PDXDC1: variants seen among roughly 807,000 people sequenced by gnomAD.
PDXDC1 encodes the protein pyridoxal-dependent decarboxylase domain-containing protein 1.
In PDXDC1, 42 loss-of-function variants were observed where a neutral mutation model predicts 100.1. That is an observed-to-expected ratio of 0.42 (90% CI 0.33 to 0.54). The LOEUF (loss-of-function observed/expected upper bound fraction) is 0.54, where lower values mean the gene tolerates loss of function less well. PDXDC1 is among the 20% of genes least tolerant of loss of function. The probability of loss-of-function intolerance (pLI) is 0.10; values close to 1 mark genes in which losing one functional copy is unlikely to be tolerated. For synonymous variants in PDXDC1, 260 were observed against 371.7 expected (o/e 0.70, Z 3.46); for missense variants, 636 against 979.2 (o/e 0.65, Z 4.68).
chr16:15,039,867 A>G (rs2043730317), downstream of PDXDC1: 2 of 698,044 alleles, frequency 2.9e-6, no homozygotes, highest in Non-Finnish European at 5.1e-6. Flanking sequence ...GGCTATAAAG[A>G]AGCTGACAGC....
intron 13 of PDXDC1, among the ~76,000 whole-genome samples, chr16:15,024,731 C>T (rs532927444): frequency 6.6e-6 from 1 of 152,288 alleles, no homozygotes; most frequent in South Asian, 2.1e-4. Context: ...CAATTCTTCT[C>T]ATGACTGGTT....
chr16:14,982,400 A>G (rs1218393058), intron 1 of PDXDC1, among the ~76,000 whole-genome samples: 1 of 152,260 alleles, frequency 6.6e-6, no homozygotes, highest in Non-Finnish European at 1.5e-5. Flanking sequence ...AGGTGGGTGG[A>G]TCACCTGAGG....
chr16:15,147,081 A>C, the PDXDC1 span, among the ~76,000 whole-genome samples: 1 of 138,404 alleles, frequency 7.2e-6, no homozygotes, highest in African/African-American at 2.8e-5. Context: ...TGAGCCAGGG[A>C]GGGAGAGGTG....
intron 16 of PDXDC1, among the ~76,000 whole-genome samples, chr16:15,066,538 C>A (rs1166910691): frequency 2.0e-5 from 3 of 151,662 alleles, no homozygotes; most frequent in African/African-American, 7.3e-5. Context: ...GAGGCTGAGG[C>A]AGGAGAACTG....
chr16:14,992,609 GTT>G (rs1468925989), intron 1 of PDXDC1, among the ~76,000 whole-genome samples: 1 of 152,270 alleles, frequency 6.6e-6, no homozygotes, highest in Non-Finnish European at 1.5e-5. Flanking sequence ...GAAAACACTT[GTT>G]TTAAAATTTG....
At chr16:14,986,731 T>C (rs1414126997) in intron 1 of PDXDC1, among the ~76,000 whole-genome samples, 1 of 152,300 alleles carries the variant, frequency 6.6e-6, no homozygotes, top group Non-Finnish European at 1.5e-5. Context: ...GTAAATGCTT[T>C]GTTGCACTTT....
the PDXDC1 span, among the ~76,000 whole-genome samples, chr16:15,147,208 G>C: frequency 6.6e-6 from 1 of 151,896 alleles, no homozygotes; most frequent in African/African-American, 2.4e-5. Context: ...CTGCACCTGG[G>C]TGCAGGGCCC....
At position 14,989,031 on chromosome 16, in the gene PDXDC1, A is replaced by T. The variant is rs1234713234; in HGVS notation, c.22-8722A>T. ...CTCCCTGTGGCTCAGGGAGGGGCTG[A>T]GCAGCGGGGCTGGCGAGCAGGAGAG... On this transcript the variant is annotated intron_variant, in intron 1 of 22. Transcript: ENST00000396410. 11 of 1,614,126 alleles carry T rather than the reference A, an allele frequency of 6.8e-6. 1 individual carries two copies. The Admixed American group carries it at 1.8e-4, about 27-fold the overall frequency.
At chr16:15,136,680 C>T in intron 16 of PDXDC1, 2 of 1,024,950 alleles carry the variant, frequency 2.0e-6, no homozygotes, top group South Asian at 2.7e-5. Context: ...CCGCCTTCTC[C>T]ACCACCAGGC....
At chr16:15,033,486 G>A in intron 19 of PDXDC1, 87 bp downstream of exon 19, 1 of 1,444,564 alleles carries the variant, frequency 6.9e-7, no homozygotes, top group Non-Finnish European at 9.7e-7. Flanking sequence ...CTGCCCTTGG[G>A]ATGTCTGTTC....
intron 9 of PDXDC1, among the ~76,000 whole-genome samples, chr16:15,016,584 C>T (rs2041813682): frequency 1.3e-5 from 2 of 152,308 alleles, no homozygotes; most frequent in Non-Finnish European, 2.9e-5. Context: ...GAAGTCCTAA[C>T]AGAAGTCTCG....
At chr16:15,061,029 T>C (rs1233164643) in intron 16 of PDXDC1, 1 of 152,254 alleles carries the variant, frequency 6.6e-6, no homozygotes, top group Non-Finnish European at 1.5e-5. Context: ...TTTTGTCTTT[T>C]AAATCCATTT....
downstream of PDXDC1, among the ~76,000 whole-genome samples, chr16:15,042,275 T>C (rs1251132799): frequency 6.7e-6 from 1 of 148,790 alleles, no homozygotes; most frequent in Non-Finnish European, 1.5e-5. Flanking sequence ...AGTCTCCACC[T>C]CCCAGGTTCA....
At chr16:15,151,930 C>CAAAA in the PDXDC1 span, among the ~76,000 whole-genome samples, 1 of 43,350 alleles carries the variant, frequency 2.3e-5, no homozygotes, top group East Asian at 5.8e-4. Context: ...AACTCTGTCT[C>CAAAA]AAAAAAAAAA....
In PDXDC1 at chr16:15,111,043, G is replaced by A. The variant is rs1475525809; in HGVS notation, c.1400-27836G>A. ...ACTCGGGAGGCTGAGGCAGAGAACCGTTTGAAGCTGGGAGGCGGAGGTTGC... is the reference window on the plus strand; with the variant it reads ...ACTCGGGAGGCTGAGGCAGAGAACCATTTGAAGCTGGGAGGCGGAGGTTGC... On this transcript the variant is annotated intron_variant, in intron 16 of 16. Coordinates refer to the PDXDC1 transcript ENST00000535621. Among the ~76,000 whole-genome samples the A allele has an allele frequency of 2.4e-4, 35 of 148,770 alleles. 1 individual carries two copies. The highest frequency in any genetic ancestry group is 3.4e-3 in the Middle Eastern group (1 of 290).
intron 16 of PDXDC1, chr16:15,137,667 G>A: frequency 4.1e-6 from 5 of 1,204,862 alleles, no homozygotes; most frequent in Non-Finnish European, 5.9e-6. Flanking sequence ...CCCCAGAGAG[G>A]CCTTCCTGAG....
At chr16:15,150,172 G>A in the PDXDC1 span, among the ~76,000 whole-genome samples, 2 of 151,510 alleles carry the variant, frequency 1.3e-5, no homozygotes, top group Admixed American at 6.6e-5. Context: ...GTGAAACCCC[G>A]TCTCTACTAA....
At chr16:15,084,607 A>C (rs774294423) in intron 16 of PDXDC1, 6 of 1,429,242 alleles carry the variant, frequency 4.2e-6, no homozygotes, top group Non-Finnish European at 5.9e-6. Flanking sequence ...TTTTCTTGAG[A>C]ATTAAACATT....
Position 14,997,743 on chromosome 16 carries a change from T to G in PDXDC1, c.22-10T>G, listed in dbSNP as rs1972306616. On this transcript the variant is annotated splice_polypyrimidine_tract_variant and intron_variant, in intron 1 of 22. Transcript: ENST00000396410. ...ATTAAAATTTCTTTCTTTTTTTTTT[T>G]GTTTCCCAGATAGCAGACCCCACGT... The G allele has an allele frequency of 1.3e-6, 2 of 1,599,714 alleles. No homozygotes were observed. The highest frequency in any genetic ancestry group is 1.1e-5 in the South Asian group (1 of 88,074).
Sources: allele counts gnomAD v4.1 joint callset (sites outside exome capture counted in the v4.1 genomes callset), GRCh38; gene constraint gnomAD v4.1.1; transcripts MANE v1.5; gene names NCBI Gene and HGNC (gene_info 2026-07-23, HGNC 2026-07-21).